PLCD1: variants seen among roughly 807,000 people sequenced by gnomAD.
PLCD1 encodes 1-phosphatidylinositol 4,5-bisphosphate phosphodiesterase delta-1.
A neutral mutation model predicts 87.4 loss-of-function variants in PLCD1; 71 were observed. That is an observed-to-expected ratio of 0.81 (90% CI 0.67 to 0.99). The LOEUF is 0.99. PLCD1 is among the 50% of genes least tolerant of loss of function. The probability of loss-of-function intolerance (pLI) is 0.00; values close to 1 mark genes in which losing one functional copy is unlikely to be tolerated. For missense variants in PLCD1, 867 were observed against 1,001.5 expected (o/e 0.87, Z 1.81); for synonymous variants, 348 against 399.2 (o/e 0.87, Z 1.53).
chr3:38,008,337 T>C lies in PLCD1; in HGVS notation c.1933A>G (p.Asn645Asp). 6.2e-7 allele frequency: 1 copy of C among 1,614,228 alleles called. No individual in the cohort carries two copies. The highest frequency in any genetic ancestry group is 1.6e-4 in the Middle Eastern group (1 of 6,062). Residue 645 changes from asparagine to aspartate, a missense_variant, in exon 13 of 15, where the codon AAC (asparagine) becomes GAC (aspartate). Transcript: ENST00000334661. Reference sequence around the variant, plus strand: ...TCCACAATTGAATTCTTATTCTTGTTGACTTTTGGCAGCTGCTGCCCCGAA... The same window carrying C: ...TCCACAATTGAATTCTTATTCTTGTCGACTTTTGGCAGCTGCTGCCCCGAA... ...VISGQQLPKV[N>D]KNKNSIVDPK...
intron 1 of PLCD1, among the ~76,000 whole-genome samples, chr3:38,028,009 C>T (rs1700326186): frequency 6.6e-6 from 1 of 152,194 alleles, no homozygotes; most frequent in African/African-American, 2.4e-5. Context: ...GCCTATGCCA[C>T]AGGACTGGGA....
At chr3:38,012,632 C>T (rs1308729932) in intron 3 of PLCD1, among the ~76,000 whole-genome samples, 1 of 151,614 alleles carries the variant, frequency 6.6e-6, no homozygotes, top group Non-Finnish European at 1.5e-5. Flanking sequence ...TTCTCCTGCC[C>T]TAGCCTCCTG....
At chr3:38,024,656 AGT>A in intron 1 of PLCD1, 1 of 1,516,766 alleles carries the variant, frequency 6.6e-7, no homozygotes, top group Admixed American at 2.0e-5. Flanking sequence ...CTGAGGGGGT[AGT>A]CAGACGCTAG....
Position 38,011,426 on chromosome 3 carries a change from G to T in PLCD1, c.578C>A (p.Thr193Lys). The T allele has an allele frequency of 6.2e-7, 1 of 1,614,052 alleles. No individual in the cohort carries two copies. Reference sequence around the variant, plus strand: ...AATCTCCTCGTCCTCCAGGGAGTCTGTCTGGGAGTGGTCACACTCCTGCAG... The same window carrying T: ...AATCTCCTCGTCCTCCAGGGAGTCTTTCTGGGAGTGGTCACACTCCTGCAG... ...KIFRECDHSQTDSLEDEEIEA... is the reference protein window; with the variant it reads ...KIFRECDHSQKDSLEDEEIEA... Residue 193 changes from threonine (T) to lysine (K), a missense_variant, in exon 5 of 15, where the codon ACA becomes AAA. By Grantham distance (78) the Thr-to-Lys change is moderately conservative (BLOSUM62 -1). Coordinates refer to ENST00000334661, the MANE Select transcript of PLCD1 (RefSeq NM_006225.4).
chr3:38,009,620 C>T (rs753747017), intron 9 of PLCD1, 33 bp downstream of exon 9: 107 of 1,612,978 alleles, frequency 6.6e-5, no homozygotes, highest in Admixed American at 4.5e-4. Context: ...GGGGAAGGCC[C>T]GGGCTGCCCC....
rs1173358905 is a variant in PLCD1 at position 38,009,362 on chromosome 3, C to T, written c.1516G>A (p.Gly506Ser). 2.5e-6 allele frequency: 4 copies of T among 1,614,018 alleles called. No homozygotes were observed. Among genetic ancestry groups the T allele is most frequent in the Non-Finnish European group, 3.4e-6 (4 of 1,179,994 alleles). The part of the protein sequence containing the change: ...VIYCKSVHFG[G>S]FSSPGTPGQA... ...CCAGGGGTGCCAGGACTGGAGAAGC[C>T]CCCAAAGTGGACACTCTTGCAGTAA... Residue 506 changes from glycine (G) to serine (S), a missense_variant, in exon 10 of 15, where the codon GGC becomes AGC. Physicochemically the swap from Gly to Ser is moderately conservative, Grantham distance 56 (BLOSUM62 0). Coordinates refer to ENST00000334661, the MANE Select transcript of PLCD1 (RefSeq NM_006225.4).
chr3:38,024,306 C>G, intron 1 of PLCD1: 1 of 1,590,448 alleles, frequency 6.3e-7, no homozygotes, highest in South Asian at 1.1e-5. Flanking sequence ...CCCATTCCCC[C>G]GCAGATCTCG....
Position 38,011,440 on chromosome 3 carries a change from A to C in PLCD1, c.564T>G (p.Cys188Trp). 1.2e-6 allele frequency: 2 copies of C among 1,613,034 alleles called. No individual in the cohort carries two copies. The highest frequency in any genetic ancestry group is 1.7e-6 in the Non-Finnish European group (2 of 1,178,982). Residue 188 changes from cysteine (C) to tryptophan (W), a missense_variant, in exon 5 of 15, where the codon TGT becomes TGG. Cys to Trp is a radical substitution (Grantham distance 215). Transcript: ENST00000334661. ...CCAGGGAGTCTGTCTGGGAGTGGTC[A>C]CACTCCTGCAGAGCCAGGACAGCCG... is the stretch of plus-strand genomic sequence containing the variant. ...DSYARKIFRE[C>W]DHSQTDSLED...
In PLCD1 at chr3:38,007,748, G is replaced by C. The variant is rs1242996564; in HGVS notation, c.*25C>G. On this transcript the variant is annotated 3_prime_UTR_variant, in exon 15 of 15. Coordinates refer to ENST00000334661, the MANE Select transcript of PLCD1 (RefSeq NM_006225.4). ...GGACAGAGGGCCCAGCCCACTCAGG[G>C]GGGACCCCACTGGCTTCCTCCAGCC... 1.9e-6 allele frequency: 3 copies of C among 1,583,524 alleles called. No homozygotes were observed. The Admixed American group carries it at 5.0e-5, about 26-fold the overall frequency.
intron 1 of PLCD1, chr3:38,024,395 C>T (rs368344949): frequency 1.2e-6 from 2 of 1,612,772 alleles, no homozygotes; most frequent in Admixed American, 1.7e-5. Context: ...GGTAGAGCTC[C>T]CTGGAGCGGC....
chr3:38,020,832 T>G (rs554604397), intron 1 of PLCD1, among the ~76,000 whole-genome samples: 1 of 152,294 alleles, frequency 6.6e-6, no homozygotes, highest in East Asian at 1.9e-4. Flanking sequence ...CAGACACAGA[T>G]GGACCCCAGA....
chr3:38,010,643 C>A (rs1575347918), intron 5 of PLCD1, 81 bp from the exon 6 acceptor site: 1 of 1,129,686 alleles, frequency 8.9e-7, no homozygotes, highest in South Asian at 1.4e-5. Flanking sequence ...GACAGAGGAG[C>A]CCTCTGAACC....
chr3:38,009,471 G>T, intron 9 of PLCD1, 40 bp from the exon 10 acceptor site: 1 of 1,609,988 alleles, frequency 6.2e-7, no homozygotes, highest in Non-Finnish European at 8.5e-7. Context: ...TTCAGTGGTT[G>T]GGGTAGGGTA....
Position 38,020,901 on chromosome 3 carries a change from G to A in PLCD1, c.35-549C>T, listed in dbSNP as rs114463595. On this transcript the variant is annotated intron_variant, in intron 1 of 14. Transcript: ENST00000334661. ...TAGCTCCAGAATCATTTGTGCCTAG[G>A]TTCAGGTGCCCTTCCCAACAAGCTG... Among the ~76,000 whole-genome samples, 616 of 152,250 alleles carry A rather than the reference G, an allele frequency of 4.0e-3. 2 individuals are homozygous for A. Among genetic ancestry groups the A allele is most frequent in the African/African-American group, 0.014 (592 of 41,528 alleles).
chr3:38,008,704 G>A (rs942486060), intron 11 of PLCD1, 68 bp from the exon 12 acceptor site: 5 of 1,414,206 alleles, frequency 3.5e-6, no homozygotes, highest in African/African-American at 2.8e-5. Flanking sequence ...AGCCTGCTCA[G>A]GGTACACTAA....
intron 3 of PLCD1, chr3:38,014,589 G>A (rs59907865): frequency 0.036 from 5,508 of 153,792 alleles, 142 homozygotes; most frequent in African/African-American, 0.075. Flanking sequence ...GTGCAGGGGT[G>A]TTTACAACTA....
chr3:38,010,663 G>C (rs912080427), intron 5 of PLCD1, 101 bp from the exon 6 acceptor site: 2 of 912,408 alleles, frequency 2.2e-6, no homozygotes, highest in Non-Finnish European at 3.4e-6. Context: ...CCGCTTGCCT[G>C]CCTGTCCTGA....
chr3:38,007,892 A>AGAGT (rs772466807), intron 14 of PLCD1, 34 bp from the exon 15 acceptor site: 1 of 1,609,550 alleles, frequency 6.2e-7, no homozygotes, highest in Non-Finnish European at 8.5e-7. Context: ...GAACACAGAG[A>AGAGT]GAGTTCTGGT....
Position 38,009,052 on chromosome 3 carries a change from G to GC in PLCD1, c.1712dup (p.Cys572LeufsTer45). ...CCAGCCAGCCCATACCGATCTGGCA[G>GC]CCCCCATTCCACATCTCCACGGGGC... On this transcript the variant is annotated frameshift_variant, in exon 11 of 15. Coordinates refer to ENST00000334661, the MANE Select transcript of PLCD1 (RefSeq NM_006225.4). LOFTEE classifies it high-confidence loss of function. The GC allele has an allele frequency of 6.2e-7, 1 of 1,612,140 alleles. No individual in the cohort carries two copies. The highest frequency in any genetic ancestry group is 1.7e-5 in the Admixed American group (1 of 60,024).
Sources: allele counts gnomAD v4.1 joint callset (sites outside exome capture counted in the v4.1 genomes callset), GRCh38; gene constraint gnomAD v4.1.1; transcripts MANE v1.5; gene names NCBI Gene and HGNC (gene_info 2026-07-23, HGNC 2026-07-21).